SCAF8: variants seen among roughly 807,000 people sequenced by gnomAD.
The protein encoded by SCAF8 is SR-related CTD associated factor 8.
Under a neutral mutation model 140.5 loss-of-function variants are expected in SCAF8, and 23 were observed. The ratio of observed to expected loss-of-function variants is 0.16; its 90% CI spans 0.12 to 0.23. SCAF8 has a LOEUF of 0.23. Among genes scored for constraint, SCAF8 ranks in the 10% least tolerant of loss-of-function variants. SCAF8 has a pLI of 1.00. For missense variants in SCAF8, 1,397 were observed against 1,555.7 expected (o/e 0.90, Z 1.72); for synonymous variants, 575 against 528.9 (o/e 1.09, Z -1.20).
intron 1 of SCAF8, among the ~76,000 whole-genome samples, chr6:154,766,940 G>A (rs1039452503): frequency 6.6e-6 from 1 of 152,038 alleles, no homozygotes; most frequent in Non-Finnish European, 1.5e-5. Context: ...GAGCCTTAAA[G>A]GTCCTTATGA....
At chr6:154,816,216 G>A (rs1056934404) in intron 13 of SCAF8, among the ~76,000 whole-genome samples, 27 of 152,146 alleles carry the variant, frequency 1.8e-4, no homozygotes, top group Non-Finnish European at 3.4e-4. Flanking sequence ...AGACACAGCT[G>A]GACTTAGGAT....
chr6:154,808,187 G>A lies in SCAF8; in HGVS notation c.1099G>A (p.Asp367Asn). ...TGAAGTCAATTTGGATGATTCCATA[G>A]ATATTCAGCAACAGGTAAAAGTAAA... ...EPEVNLDDSI[D>N]IQQQDMDIDE... The change falls in exon 10 of 20, where the codon GAT becomes AAT. Residue 367 changes from aspartate (D) to asparagine (N), a missense_variant. This residue lies in a region of SCAF8 where 339 missense variants were observed against 407.5 expected (regional missense o/e 0.83). Transcript: ENST00000367178. The A allele has an allele frequency of 6.2e-7, 1 of 1,613,550 alleles. No individual in the cohort carries two copies.
At chr6:154,809,991 A>C (rs780174247) in intron 11 of SCAF8, 24 bp from the exon 12 acceptor site, 7 of 1,567,584 alleles carry the variant, frequency 4.5e-6, no homozygotes, top group Non-Finnish European at 6.0e-6. Flanking sequence ...TTGTCATTAG[A>C]AGTAAAATGA....
At chr6:154,771,331 G>A (rs1039240097) in intron 1 of SCAF8, among the ~76,000 whole-genome samples, 1 of 152,168 alleles carries the variant, frequency 6.6e-6, no homozygotes, top group Non-Finnish European at 1.5e-5. Flanking sequence ...CTATTGGAGA[G>A]ACCCTGGTAG....
intron 2 of SCAF8, among the ~76,000 whole-genome samples, chr6:154,775,332 G>T (rs965510088): frequency 2.6e-5 from 4 of 152,014 alleles, no homozygotes; most frequent in Admixed American, 6.5e-5. Flanking sequence ...GGCTCATTGT[G>T]GAATAATTTT....
chr6:154,743,414 A>G (rs945257956), intron 1 of SCAF8, among the ~76,000 whole-genome samples: 6 of 152,252 alleles, frequency 3.9e-5, no homozygotes, highest in African/African-American at 1.4e-4. Flanking sequence ...CTCCACATGC[A>G]TGATTTTAAA....
chr6:154,817,983 AGATTAT>A (rs1778300579), intron 13 of SCAF8, among the ~76,000 whole-genome samples: 1 of 152,176 alleles, frequency 6.6e-6, no homozygotes, highest in Admixed American at 6.5e-5. Flanking sequence ...CAATTGTTTC[AGATTAT>A]GGATTTTATA....
At chr6:154,779,759 G>T (rs73581074) in intron 3 of SCAF8, among the ~76,000 whole-genome samples, 2,187 of 76,984 alleles carry the variant, frequency 0.028, 56 homozygotes, top group African/African-American at 0.11. Context: ...TTAAAATAAG[G>T]TGTGTGTGTG....
rs770680240 is a variant in SCAF8 at position 154,777,995 on chromosome 6, T to C, written c.115-6T>C. 3 of 1,494,258 alleles carry C rather than the reference T, an allele frequency of 2.0e-6. No individual in the cohort carries two copies. Among genetic ancestry groups the C allele is most frequent in the Non-Finnish European group, 2.8e-6 (3 of 1,077,378 alleles). 92.6% of individuals were successfully genotyped at this position (1,494,258 alleles called of 1,614,324 possible). A position where few individuals can be genotyped will look rare whatever the true frequency, so the allele number is the denominator to read the frequency against. On this transcript the variant is annotated splice_polypyrimidine_tract_variant and splice_region_variant and intron_variant, in intron 2 of 19. Coordinates refer to ENST00000367178, the MANE Select transcript of SCAF8 (RefSeq NM_014892.5). ...AAAACCATACTTCATTTTTTTCCTC[T>C]TTTAGTTCTATAAACATGTGGTACA...
intron 5 of SCAF8, 108 bp downstream of exon 5, chr6:154,793,084 T>C (rs1777471474): frequency 2.9e-6 from 2 of 696,868 alleles, no homozygotes; most frequent in Non-Finnish European, 4.3e-6. Flanking sequence ...TGTCCAGCAT[T>C]ACATAATTGA....
In SCAF8 at chr6:154,733,441, C is replaced by G; in HGVS notation, c.-460C>G. 1 of 1,395,710 alleles carries G rather than the reference C, an allele frequency of 7.2e-7. No individual in the cohort carries two copies. Among genetic ancestry groups the G allele is most frequent in the Non-Finnish European group, 9.3e-7 (1 of 1,074,388 alleles). 86.5% of individuals were successfully genotyped at this position (1,395,710 alleles called of 1,614,324 possible). On this transcript the variant is annotated 5_prime_UTR_variant, in exon 1 of 20. Transcript: ENST00000367178. Reference sequence around the variant, plus strand: ...ATATTGGATGCCGCAGCCGCTGCTGCCAGCGCTTCCTCCTCTGTCTTCGCC... The same window carrying G: ...ATATTGGATGCCGCAGCCGCTGCTGGCAGCGCTTCCTCCTCTGTCTTCGCC...
intron 1 of SCAF8, among the ~76,000 whole-genome samples, chr6:154,747,681 G>C (rs1019007135): frequency 2.0e-5 from 3 of 152,130 alleles, no homozygotes; most frequent in African/African-American, 7.2e-5. Context: ...GAGCAGAACA[G>C]TATAGCTCAT....
At chr6:154,809,429 A>G (rs866571168) in intron 11 of SCAF8, among the ~76,000 whole-genome samples, 8 of 152,132 alleles carry the variant, frequency 5.3e-5, no homozygotes, top group African/African-American at 1.9e-4. Flanking sequence ...TGTCAGTTCA[A>G]CTTTCTCTAA....
intron 5 of SCAF8, among the ~76,000 whole-genome samples, chr6:154,793,619 A>G (rs1283414291): frequency 6.6e-6 from 1 of 151,878 alleles, no homozygotes; most frequent in African/African-American, 2.4e-5. Flanking sequence ...GTTGGAGAGC[A>G]GCCTGGCCAA....
Position 154,811,356 on chromosome 6 carries a change from C to T in SCAF8, c.1420+1148C>T, listed in dbSNP as rs113101910. Among the ~76,000 whole-genome samples, 7 of 150,912 alleles carry T rather than the reference C, an allele frequency of 4.6e-5. No individual in the cohort carries two copies. The East Asian group carries it at 7.8e-4, about 17-fold the overall frequency. On this transcript the variant is annotated intron_variant, in intron 12 of 19. Transcript: ENST00000367178. ...ATGGAGTCGCTCTCATTTAATTTCT[C>T]ACTTAATTTGTCATGTTGTTGATTT...
At chr6:154,739,066 A>G (rs1424756504) in intron 1 of SCAF8, among the ~76,000 whole-genome samples, 1 of 152,062 alleles carries the variant, frequency 6.6e-6, no homozygotes, top group Non-Finnish European at 1.5e-5. Context: ...GCTTACTGTA[A>G]CCTCGAACTC....
At chr6:154,762,714 C>T (rs1350362327) in intron 1 of SCAF8, among the ~76,000 whole-genome samples, 2 of 151,894 alleles carry the variant, frequency 1.3e-5, no homozygotes, top group Non-Finnish European at 2.9e-5. Context: ...AAATATTTTA[C>T]CTTGAGGCTT....
intron 15 of SCAF8, 33 bp from the exon 16 acceptor site, chr6:154,822,243 C>G (rs375852892): frequency 2.3e-4 from 360 of 1,586,242 alleles, no homozygotes; most frequent in Non-Finnish European, 3.0e-4. Context: ...TTGCACCTAT[C>G]CAAAGGAAAT....
At chr6:154,817,704 T>C (rs188158583) in intron 13 of SCAF8, among the ~76,000 whole-genome samples, 1 of 152,340 alleles carries the variant, frequency 6.6e-6, no homozygotes, top group Admixed American at 6.5e-5. Flanking sequence ...AAGGTTTCTA[T>C]GTAAGCTTTA....
Sources: gnomAD v4.1 joint callset for allele counts (sites outside exome capture counted in the v4.1 genomes callset) on GRCh38, gnomAD v4.1.1 for gene constraint, gnomAD v4.1.1 regional missense constraint, MANE v1.5 for transcripts, NCBI Gene and HGNC (gene_info 2026-07-23, HGNC 2026-07-21) for gene names.